The following CSMD1 variants were observed in gnomAD, a reference collection of about 807,000 sequenced individuals.
CSMD1 encodes CUB and sushi domain-containing protein 1.
In CSMD1, 213 loss-of-function variants were observed where a neutral mutation model predicts 417.5. The ratio of observed to expected loss-of-function variants is 0.51; its 90% CI spans 0.46 to 0.57. CSMD1 has a LOEUF of 0.57. CSMD1 is among the 20% of genes least tolerant of loss of function. CSMD1 has a pLI of 0.00. For synonymous variants in CSMD1, 2,862 were observed against 1,736.8 expected, an observed-to-expected ratio of 1.65 and a Z score of -16.11; for missense variants, 6,923 against 4,529.7, an observed-to-expected ratio of 1.53 and a Z score of -15.17.
intron 4 of CSMD1, among the ~76,000 whole-genome samples, chr8:4,023,150 A>G (rs969415154): frequency 9.9e-5 from 15 of 152,158 alleles, no homozygotes; most frequent in African/African-American, 3.1e-4. Flanking sequence ...GGAACTGCCC[A>G]TCACAACTCA....
chr8:3,316,865 C>G (rs1481532912), intron 23 of CSMD1, among the ~76,000 whole-genome samples: 3 of 152,010 alleles, frequency 2.0e-5, no homozygotes, highest in African/African-American at 7.3e-5. Flanking sequence ...GAGAGATAAT[C>G]AGAAGCAATG....
intron 5 of CSMD1, among the ~76,000 whole-genome samples, chr8:3,840,582 A>G (rs537513570): frequency 3.3e-5 from 5 of 152,256 alleles, no homozygotes; most frequent in African/African-American, 1.2e-4. Flanking sequence ...TTTCAAGTTA[A>G]AACATGTGAG....
intron 1 of CSMD1, among the ~76,000 whole-genome samples, chr8:4,888,408 TTTCA>T: frequency 6.6e-6 from 1 of 152,132 alleles, no homozygotes; most frequent in African/African-American, 2.4e-5. Flanking sequence ...TTTCCCATTC[TTTCA>T]TTCAAAACTG....
At chr8:3,786,370 G>C (rs745392464) in intron 5 of CSMD1, among the ~76,000 whole-genome samples, 4 of 152,072 alleles carry the variant, frequency 2.6e-5, no homozygotes, top group Non-Finnish European at 5.9e-5. Context: ...ACCTCATTTA[G>C]GGAGATACTA....
chr8:4,811,311 T>C (rs756543593), intron 1 of CSMD1, among the ~76,000 whole-genome samples: 4 of 152,200 alleles, frequency 2.6e-5, no homozygotes, highest in Admixed American at 6.5e-5. Flanking sequence ...ATTGGGAATA[T>C]TGACTCGGAG....
intron 5 of CSMD1, among the ~76,000 whole-genome samples, chr8:3,805,500 A>G (rs1259463897): frequency 1.3e-5 from 2 of 152,302 alleles, no homozygotes; most frequent in East Asian, 3.9e-4. Context: ...GACCATGTTC[A>G]GGGATGACTC....
At chr8:4,166,806 T>C (rs1183784025) in intron 3 of CSMD1, among the ~76,000 whole-genome samples, 1 of 152,232 alleles carries the variant, frequency 6.6e-6, no homozygotes, top group Non-Finnish European at 1.5e-5. Flanking sequence ...GTGTGTTTAA[T>C]GAGACAATAT....
chr8:3,034,223 T>G (rs1810521587), intron 50 of CSMD1, among the ~76,000 whole-genome samples: 1 of 152,258 alleles, frequency 6.6e-6, no homozygotes, highest in East Asian at 1.9e-4. Context: ...GAAAAAGATT[T>G]GATGTGGTTT....
At chr8:3,216,473 A>AT (rs1171342114) in intron 29 of CSMD1, among the ~76,000 whole-genome samples, 1 of 152,030 alleles carries the variant, frequency 6.6e-6, no homozygotes, top group African/African-American at 2.4e-5. Context: ...CTTTTTGATC[A>AT]TTTTTTTGTT....
intron 26 of CSMD1, among the ~76,000 whole-genome samples, chr8:3,256,256 G>C (rs1800643500): frequency 6.6e-6 from 1 of 150,646 alleles, no homozygotes; most frequent in Non-Finnish European, 1.5e-5. Context: ...GAACCTGGGA[G>C]GCAGAGGTTT....
At chr8:4,837,672 A>C (rs1178773525) in intron 1 of CSMD1, among the ~76,000 whole-genome samples, 2 of 152,210 alleles carry the variant, frequency 1.3e-5, no homozygotes, top group African/African-American at 2.4e-5. Flanking sequence ...AAAAAGTTAG[A>C]ATAAATAAAA....
At chr8:3,541,540 A>T (rs913612513) in intron 10 of CSMD1, among the ~76,000 whole-genome samples, 9 of 150,500 alleles carry the variant, frequency 6.0e-5, no homozygotes, top group Middle Eastern at 3.2e-3. Flanking sequence ...AATAAAAATT[A>T]AAAAAATATG....
Position 3,694,465 on chromosome 8 carries a change from C to T in CSMD1, c.1009+13949G>A, listed in dbSNP as rs527403845. On this transcript the variant is annotated intron_variant, in intron 7 of 69. Coordinates refer to ENST00000635120, the MANE Select transcript of CSMD1 (RefSeq NM_033225.6). The stretch of plus-strand genomic sequence containing the variant: ...GCTGCATACATGAGTCTGGGAAAGA[C>T]GGCCAGGCCGAAAACACCATCTGGG... Among the ~76,000 whole-genome samples the T allele has an allele frequency of 8.5e-5, 13 of 152,234 alleles. No individual in the cohort carries two copies. The East Asian group carries it at 2.5e-3, about 30-fold the overall frequency.
At chr8:3,407,525 G>T (rs1275488728) in intron 14 of CSMD1, among the ~76,000 whole-genome samples, 1 of 151,430 alleles carries the variant, frequency 6.6e-6, no homozygotes, top group Non-Finnish European at 1.5e-5. Context: ...GGATACAGAT[G>T]GACAGATGGA....
intron 1 of CSMD1, among the ~76,000 whole-genome samples, chr8:4,819,037 T>G (rs1331770186): frequency 6.6e-6 from 1 of 152,098 alleles, no homozygotes; most frequent in African/African-American, 2.4e-5. Flanking sequence ...ATAAATGGCT[T>G]GGAAGACACA....
chr8:3,577,780 C>T (rs571332200), intron 9 of CSMD1, among the ~76,000 whole-genome samples: 19 of 152,276 alleles, frequency 1.2e-4, no homozygotes, highest in African/African-American at 4.3e-4. Flanking sequence ...GCTTCTTTAC[C>T]ATCTGATGAT....
intron 2 of CSMD1, among the ~76,000 whole-genome samples, chr8:4,525,942 C>G (rs1050062119): frequency 4.6e-5 from 7 of 152,098 alleles, no homozygotes; most frequent in African/African-American, 1.7e-4. Flanking sequence ...GGCAGAATAT[C>G]CATGATAGAT....
At chr8:4,435,974 C>A (rs890953496) in intron 2 of CSMD1, among the ~76,000 whole-genome samples, 5 of 152,160 alleles carry the variant, frequency 3.3e-5, no homozygotes, top group Non-Finnish European at 7.3e-5. Flanking sequence ...ACATCACCAT[C>A]TACTTTTCTG....
chr8:3,285,581 T>C (rs950166372), intron 25 of CSMD1, among the ~76,000 whole-genome samples: 2 of 151,864 alleles, frequency 1.3e-5, no homozygotes, highest in African/African-American at 2.4e-5. Context: ...GTATTTATAG[T>C]AGACATGGGG....
Sources: allele counts gnomAD v4.1 joint callset (sites outside exome capture counted in the v4.1 genomes callset), GRCh38; gene constraint gnomAD v4.1.1; transcripts MANE v1.5; gene names NCBI Gene and HGNC (gene_info 2026-07-23, HGNC 2026-07-21).